Variants in EFCAB8 observed in about 807,000 individuals in gnomAD.
EFCAB8 encodes EF-hand calcium binding domain 8.
EFCAB8 carries 100 observed loss-of-function variants against 116.3 expected under a neutral mutation model. The ratio of observed to expected loss-of-function variants is 0.86; its 90% CI spans 0.73 to 1.02. EFCAB8 has a LOEUF of 1.02. Ranked by LOEUF, EFCAB8 falls within the 50% of genes least tolerant of loss-of-function variation. The pLI, the probability that EFCAB8 is intolerant of heterozygous loss-of-function variation, is 0.00. For synonymous variants in EFCAB8, 558 were observed against 567.9 expected (o/e 0.98, Z 0.25); for missense variants, 1,320 against 1,416.9 (o/e 0.93, Z 1.10).
chr20:32,956,875 A>T (rs1988979540), intron 23 of EFCAB8, among the ~76,000 whole-genome samples: 2 of 149,236 alleles, frequency 1.3e-5, no homozygotes, highest in African/African-American at 4.9e-5. Context: ...CTCTCCTCTC[A>T]TTGTGGGGGT....
At chr20:32,871,238 G>A (rs1331900085) in intron 3 of EFCAB8, among the ~76,000 whole-genome samples, 2 of 151,804 alleles carry the variant, frequency 1.3e-5, no homozygotes, top group Non-Finnish European at 1.5e-5. Context: ...TGTCCACACT[G>A]TTCTATTCTT....
At chr20:32,916,492 C>T (rs1036915307) in intron 17 of EFCAB8, among the ~76,000 whole-genome samples, 3 of 151,924 alleles carry the variant, frequency 2.0e-5, no homozygotes, top group Admixed American at 2.0e-4. Context: ...CTCCTGGCCT[C>T]AAACGATTTT....
At chr20:32,884,939 G>A (rs954671500) in intron 5 of EFCAB8, among the ~76,000 whole-genome samples, 4 of 152,172 alleles carry the variant, frequency 2.6e-5, no homozygotes, top group African/African-American at 7.2e-5. Flanking sequence ...GCTCAAGGGC[G>A]GCCTCCTGCG....
chr20:32,858,992 T>A lies in EFCAB8; in HGVS notation c.-25T>A. ...TTGCCAGCAAGATTAACTGAGGAGA[T>A]CAAATTGAGTCAGGGTGAGTGAGGG... On this transcript the variant is annotated 5_prime_UTR_variant, in exon 1 of 27. Coordinates refer to ENST00000400522, the MANE Select transcript of EFCAB8 (RefSeq NM_001143967.2). 2 of 471,078 alleles carry A rather than the reference T, an allele frequency of 4.2e-6. No homozygotes were observed. The highest frequency in any genetic ancestry group is 8.8e-6 in the Non-Finnish European group (2 of 227,014). 29.2% of individuals were successfully genotyped at this position (471,078 alleles called of 1,614,324 possible).
chr20:32,867,222 C>G (rs1984471514), intron 2 of EFCAB8, among the ~76,000 whole-genome samples: 1 of 152,104 alleles, frequency 6.6e-6, no homozygotes, highest in South Asian at 2.1e-4. Flanking sequence ...GCCCAGCCCC[C>G]TGGGGTTCTG....
intron 22 of EFCAB8, among the ~76,000 whole-genome samples, chr20:32,933,134 T>C (rs746125332): frequency 1.3e-5 from 2 of 152,162 alleles, no homozygotes; most frequent in Non-Finnish European, 2.9e-5. Flanking sequence ...GTAATGAAAC[T>C]GAAGAGCTGA....
In EFCAB8 at chr20:32,878,783, AC is replaced by A. The variant is rs1297144024; in HGVS notation, c.409del (p.Leu137PhefsTer3). 41 of 1,551,982 alleles carry A rather than the reference AC, an allele frequency of 2.6e-5. No individual in the cohort carries two copies. Among genetic ancestry groups the A allele is most frequent in the Non-Finnish European group, 3.5e-5 (40 of 1,147,090 alleles). ...AAGAGCCAGTACCGCCTGCACTTCT[AC>A]CTTCCCATGACGGTCGTCCCCCTGT... ...MRKSQYRLHFYLPMTVVPLNH... is the reference protein window; with the variant it reads ...MRKSQYRLHFXLPMTVVPLNH... On this transcript the variant is annotated frameshift_variant, in exon 5 of 27. Coordinates refer to ENST00000400522, the MANE Select transcript of EFCAB8 (RefSeq NM_001143967.2). LOFTEE classifies it high-confidence loss of function.
At chr20:32,909,059 T>C (rs1600411737) in intron 14 of EFCAB8, among the ~76,000 whole-genome samples, 1 of 152,240 alleles carries the variant, frequency 6.6e-6, no homozygotes, top group African/African-American at 2.4e-5. Context: ...AACCCACAGA[T>C]GGGAGCAGAA....
chr20:32,939,119 TTCTTTC>T (rs1414144291), intron 22 of EFCAB8, among the ~76,000 whole-genome samples: 4 of 131,024 alleles, frequency 3.1e-5, no homozygotes, highest in Admixed American at 1.5e-4. Flanking sequence ...CTTTCTCTCT[TTCTTTC>T]TCTTTCTTTC....
intron 17 of EFCAB8, among the ~76,000 whole-genome samples, chr20:32,916,235 G>A (rs1227251375): frequency 6.6e-6 from 1 of 152,042 alleles, no homozygotes. Flanking sequence ...AGAGGACAAG[G>A]GATCTCTCTG....
Position 32,896,517 on chromosome 20 carries a change from A to G in EFCAB8, c.947A>G (p.Tyr316Cys), listed in dbSNP as rs957488709. 1.4e-5 allele frequency: 10 copies of G among 719,032 alleles called. No homozygotes were observed. In the Admixed American group the frequency reaches 1.8e-4, roughly 13 times the overall value. The allele number at this position is 719,032 out of a possible 1,614,324, so 44.5% of individuals were successfully genotyped here. The change falls in exon 10 of 27, where the codon TAC becomes TGC. Residue 316 changes from tyrosine to cysteine, a missense_variant. Physicochemically the swap from Tyr to Cys is radical, Grantham distance 194. Transcript: ENST00000400522. ...LNEKSALHRSYRLKALHPNWC... is the reference protein window; with the variant it reads ...LNEKSALHRSCRLKALHPNWC... ...GAGAAGTCTGCTTTGCATAGAAGCT[A>G]CCGGCTGAAGGTGAGTTTTTTCTTT...
At chr20:32,919,669 T>C (rs188099444) in intron 19 of EFCAB8, among the ~76,000 whole-genome samples, 104 of 152,134 alleles carry the variant, frequency 6.8e-4, no homozygotes, top group African/African-American at 2.5e-3. Context: ...GCTAAATTTT[T>C]TGTATTTTTA....
chr20:32,960,557 C>A (rs1339615649), intron 26 of EFCAB8, among the ~76,000 whole-genome samples: 1 of 152,224 alleles, frequency 6.6e-6, no homozygotes. Context: ...TCATGCCAGG[C>A]CCATAGTAAG....
rs754022404 is a variant in EFCAB8 at position 32,935,188 on chromosome 20, C to CTTTTTTTTTTTTTTTT, written c.2790+3855_2790+3856insTTTTTTTTTTTTTTTT. ...TCTCTTCTCTTTTCTTTCTTTCTTT[C>CTTTTTTTTTTTTTTTT]TTTCTTTTTTTTTTTTTTTTTTTTT... On this transcript the variant is annotated intron_variant, in intron 22 of 26. Transcript: ENST00000400522. Among the ~76,000 whole-genome samples, 54 of 66,886 alleles carry CTTTTTTTTTTTTTTTT rather than the reference C, an allele frequency of 8.1e-4. 1 individual carries two copies. Among genetic ancestry groups the CTTTTTTTTTTTTTTTT allele is most frequent in the African/African-American group, 1.1e-3 (14 of 12,962 alleles). 43.9% of individuals were successfully genotyped at this position (66,886 alleles called of 152,430 possible).
In EFCAB8 at chr20:32,892,215, T is replaced by A. The variant is rs1985954230; in HGVS notation, c.676T>A (p.Phe226Ile). 3.2e-6 allele frequency: 5 copies of A among 1,551,476 alleles called. No homozygotes were observed. The highest frequency in any genetic ancestry group is 4.4e-6 in the Non-Finnish European group (5 of 1,146,958). The stretch of plus-strand genomic sequence containing the variant: ...GTGGCCTTCTGTCTTTCCCCCAGAT[T>A]TCTTTGATATTAGTGACCACAAATG... ...AVASTRQKID[F>I]FDISDHKCVR... Residue 226 changes from phenylalanine to isoleucine, a missense_variant and splice_region_variant, in exon 8 of 27, where the codon TTC (phenylalanine) becomes ATC (isoleucine). Phe to Ile is a conservative substitution (Grantham distance 21). Coordinates refer to ENST00000400522, the MANE Select transcript of EFCAB8 (RefSeq NM_001143967.2).
chr20:32,957,819 G>C (rs1205270191), intron 23 of EFCAB8, among the ~76,000 whole-genome samples: 2 of 151,104 alleles, frequency 1.3e-5, no homozygotes, highest in Non-Finnish European at 2.9e-5. Flanking sequence ...GCTCTTCTTG[G>C]AAAGACTTGT....
At chr20:32,894,067 C>A (rs1986046393) in intron 9 of EFCAB8, among the ~76,000 whole-genome samples, 2 of 152,172 alleles carry the variant, frequency 1.3e-5, no homozygotes, top group South Asian at 4.1e-4. Flanking sequence ...TCGCTAGATC[C>A]CCAGAGGATA....
chr20:32,887,292 A>T (rs1479008032), intron 6 of EFCAB8, among the ~76,000 whole-genome samples: 3 of 152,182 alleles, frequency 2.0e-5, no homozygotes, highest in Non-Finnish European at 4.4e-5. Context: ...AGTAAAATAC[A>T]GCGCCAGGCG....
chr20:32,868,514 T>C (rs1463515637), intron 3 of EFCAB8, among the ~76,000 whole-genome samples: 1 of 152,230 alleles, frequency 6.6e-6, no homozygotes, highest in Non-Finnish European at 1.5e-5. Flanking sequence ...AGCATTTTGG[T>C]GTATGTATTT....
Sources: gnomAD v4.1 joint callset for allele counts (sites outside exome capture counted in the v4.1 genomes callset) on GRCh38, gnomAD v4.1.1 for gene constraint, MANE v1.5 for transcripts, NCBI Gene and HGNC (gene_info 2026-07-23, HGNC 2026-07-21) for gene names.